Variants in SREBF1 observed in about 807,000 individuals in gnomAD.
SREBF1 encodes sterol regulatory element binding transcription factor 1.
In SREBF1, 45 loss-of-function variants were observed where a neutral mutation model predicts 100.1. That is an observed-to-expected ratio of 0.45 (90% CI 0.35 to 0.58). SREBF1 has a LOEUF of 0.58. SREBF1 is among the 20% of genes least tolerant of loss of function. SREBF1 has a pLI of 0.00. For synonymous variants in SREBF1, 657 were observed against 681.8 expected (o/e 0.96, Z 0.57); for missense variants, 1,324 against 1,539.4 (o/e 0.86, Z 2.34).
At chr17:17,813,252 C>CG in intron 18 of SREBF1, 116 bp downstream of exon 18, 1 of 1,121,910 alleles carries the variant, frequency 8.9e-7, no homozygotes, top group South Asian at 1.3e-5. Flanking sequence ...TGAGCCACTG[C>CG]GCCAGGCCTG....
rs773176450 is a variant in SREBF1, at chr17:17,817,852, G to A, written c.1248C>T (p.Gly416=). The change falls in exon 7 of 19, where the codon GGC becomes GGT. Residue 416 remains glycine (G), a synonymous_variant. Coordinates refer to ENST00000261646, the MANE Select transcript of SREBF1 (RefSeq NM_004176.5). This position sits in a 1 kb window ranked among gnomAD's most constrained non-coding sequence, Gnocchi z 6.6. ...GTGTGTCCTCCACCTCAGTCTTCAC[G>A]CCCTCCATGAGCACGTCTGTGTTCC... The part of the protein sequence containing the change: ...SGGNTDVLME[G]VKTEVEDTLT... 5.6e-6 allele frequency: 9 copies of A among 1,607,746 alleles called. No individual in the cohort carries two copies. The highest frequency in any genetic ancestry group is 2.2e-5 in the South Asian group (2 of 91,086).
intron 1 of SREBF1, chr17:17,823,734 G>A (rs1311463316): frequency 5.6e-6 from 2 of 358,296 alleles, no homozygotes; most frequent in South Asian, 1.1e-4. Flanking sequence ...GCCCTTCGGG[G>A]CTGCGGGCCG....
In SREBF1 at chr17:17,814,385, G is replaced by A. The variant is rs771791469; in HGVS notation, c.2761C>T (p.His921Tyr). Residue 921 changes from histidine (H) to tyrosine (Y), a missense_variant, in exon 16 of 19, where the codon CAC becomes TAC. Transcript: ENST00000261646. The part of the protein sequence containing the change: ...SERPLPRAAL[H>Y]SFKAARALLG... ...AGGGCCCGGGCAGCCTTGAAGGAGT[G>A]CAGAGCTGCCCTGGGCAGGGGTCTC... 1.9e-6 allele frequency: 3 copies of A among 1,562,240 alleles called. No individual in the cohort carries two copies. The highest frequency in any genetic ancestry group is 1.7e-6 in the Non-Finnish European group (2 of 1,153,222).
rs377235385 is a variant in SREBF1, at chr17:17,812,598, G to C, written c.*24C>G. On this transcript the variant is annotated 3_prime_UTR_variant, in exon 19 of 19. Transcript: ENST00000261646. ...GGGACCAAAGTGGCTAGAGACAGGG[G>C]TGCTGAGGCCGGGGACACGGGGTCT... is the stretch of plus-strand genomic sequence containing the variant. 3.0e-5 allele frequency: 48 copies of C among 1,576,090 alleles called. No homozygotes were observed. Among genetic ancestry groups the C allele is most frequent in the Admixed American group, 8.9e-5 (5 of 55,962 alleles).
rs749283714 is a variant in SREBF1 at position 17,814,633 on chromosome 17, C to T, written c.2717G>A (p.Arg906Gln). The change falls in exon 15 of 19, where the codon CGG becomes CAG. Residue 906 changes from arginine (R) to glutamine (Q), a missense_variant. Coordinates refer to ENST00000261646, the MANE Select transcript of SREBF1 (RefSeq NM_004176.5). ...RLCPLVEHLP[R>Q]VLQESERPLP... is the part of the protein sequence containing the mutation. The stretch of plus-strand genomic sequence containing the variant: ...CACTCACTCAGACTCCTGCAGCACC[C>T]GGGGCAGGTGCTCCACCAGCGGGCA... 5.6e-5 allele frequency: 87 copies of T among 1,545,952 alleles called. No individual in the cohort carries two copies. Among genetic ancestry groups the T allele is most frequent in the Non-Finnish European group, 7.0e-5 (81 of 1,150,358 alleles).
intron 4 of SREBF1, 25 bp from the exon 5 acceptor site, chr17:17,819,259 A>G: frequency 6.2e-7 from 1 of 1,613,718 alleles, no homozygotes; most frequent in South Asian, 1.1e-5. Context: ...ACATGTTACC[A>G]GGTGGGCATG....
rs1018348046 is a variant in SREBF1, at chr17:17,824,383, G to A, written c.92-3862C>T. On this transcript the variant is annotated intron_variant, in intron 1 of 18. Coordinates refer to ENST00000261646, the MANE Select transcript of SREBF1 (RefSeq NM_004176.5). This position sits in a 1 kb window ranked among gnomAD's most constrained non-coding sequence, Gnocchi z 4.2. ...GCACCGATGTCCCTCTGCCAGATGG[G>A]TGAAGTCTGCCCCTCCCCCTCAAGG... Among the ~76,000 whole-genome samples, 8 of 152,140 alleles carry A rather than the reference G, an allele frequency of 5.3e-5. No individual in the cohort carries two copies. The highest frequency in any genetic ancestry group is 8.8e-5 in the Non-Finnish European group (6 of 68,020).
rs958426625 is a variant in SREBF1, at chr17:17,812,438, G to GTCT, written c.*181_*183dup. On this transcript the variant is annotated 3_prime_UTR_variant, in exon 19 of 19. Coordinates refer to ENST00000261646, the MANE Select transcript of SREBF1 (RefSeq NM_004176.5). ...GAGGTCAGCACCATCATGGCCGCCGGTCTTAGGGTCAAGATCGCGCCCCTC... is the reference window on the plus strand; with the variant it reads ...GAGGTCAGCACCATCATGGCCGCCGGTCTTCTTAGGGTCAAGATCGCGCCCCTC... 2 of 674,134 alleles carry GTCT rather than the reference G, an allele frequency of 3.0e-6. No individual in the cohort carries two copies. The highest frequency in any genetic ancestry group is 5.0e-6 in the Non-Finnish European group (2 of 401,088). 41.8% of individuals were successfully genotyped at this position (674,134 alleles called of 1,614,324 possible). A position where few individuals can be genotyped will look rare whatever the true frequency, so the allele number is the denominator to read the frequency against.
chr17:17,829,205 A>AAAAAAAAAAAAAT (rs1210718799), intron 1 of SREBF1, among the ~76,000 whole-genome samples: 8 of 65,844 alleles, frequency 1.2e-4, no homozygotes, highest in African/African-American at 7.0e-4. Flanking sequence ...AAAAAAAAAA[A>AAAAAAAAAAAAAT]ATATATATAT....
At position 17,814,915 on chromosome 17, in the gene SREBF1, T is replaced by C. The variant is rs1453214762; in HGVS notation, c.2522A>G (p.Gln841Arg). 1 of 1,576,334 alleles carries C rather than the reference T, an allele frequency of 6.3e-7. No homozygotes were observed. The highest frequency in any genetic ancestry group is 2.3e-5 in the East Asian group (1 of 43,434). The change falls in exon 14 of 19, where the codon CAG (glutamine) becomes CGG (arginine). Residue 841 changes from glutamine to arginine, a missense_variant. Physicochemically the swap from Gln to Arg is conservative, Grantham distance 43 (BLOSUM62 1). Transcript: ENST00000261646. The part of the protein sequence containing the change: ...KEFSDALGYL[Q>R]LLNSCSDAAG... Reference sequence around the variant, plus strand: ...AGCATCAGAACAGCTGTTCAGCAGCTGCAGGTACCCGAGGGCATCCGAGAA... The same window carrying C: ...AGCATCAGAACAGCTGTTCAGCAGCCGCAGGTACCCGAGGGCATCCGAGAA...
At position 17,816,233 on chromosome 17, in the gene SREBF1, G is replaced by A. The variant is rs1294880004; in HGVS notation, c.2188C>T (p.Leu730Phe). 9.7e-7 allele frequency: 1 copy of A among 1,034,896 alleles called. No individual in the cohort carries two copies. The highest frequency in any genetic ancestry group is 1.2e-6 in the Non-Finnish European group (1 of 848,344). The allele number at this position is 1,034,896 out of a possible 1,614,324, so 64.1% of individuals were successfully genotyped here. A position where few individuals can be genotyped will look rare whatever the true frequency, so the allele number is the denominator to read the frequency against. The change falls in exon 11 of 19, where the codon CTC (leucine) becomes TTC (phenylalanine). Residue 730 changes from leucine (L) to phenylalanine (F), a missense_variant. Physicochemically the swap from Leu to Phe is conservative, Grantham distance 22. Coordinates refer to ENST00000261646, the MANE Select transcript of SREBF1 (RefSeq NM_004176.5). ...GTCAGAAAATGCAAGGCCCGTGGGA[G>A]ACTGGTCTTCACTCTCAATGCAGCC... ...VAAALRVKTS[L>F]PRALHFLTRF...
At chr17:17,819,870 G>T in intron 2 of SREBF1, 145 bp from the exon 3 acceptor site, 2 of 1,264,172 alleles carry the variant, frequency 1.6e-6, no homozygotes, top group Non-Finnish European at 2.1e-6. Context: ...GGGCTCTGAT[G>T]CAAATGCACT....
intron 1 of SREBF1, among the ~76,000 whole-genome samples, chr17:17,826,787 T>G (rs1296307397): frequency 1.3e-5 from 2 of 152,200 alleles, no homozygotes; most frequent in Non-Finnish European, 2.9e-5. Context: ...GGCCGATGTA[T>G]TCTGTGAGGC....
chr17:17,821,357 T>C (rs1033957595), intron 1 of SREBF1, among the ~76,000 whole-genome samples: 3 of 152,090 alleles, frequency 2.0e-5, no homozygotes, highest in Non-Finnish European at 4.4e-5. Flanking sequence ...TTTCTCAATG[T>C]GTGAAACGGG....
Position 17,815,225 on chromosome 17 carries a change from C to G in SREBF1, c.2488G>C (p.Asp830His). Reference sequence around the variant, plus strand: ...GGAGGGCACAACGACACTTACTTGTCCCCATCAGCTGACCCAGGGCTGGGG... The same window carrying G: ...GGAGGGCACAACGACACTTACTTGTGCCCATCAGCTGACCCAGGGCTGGGG... ...PNPSPGSADG[D>H]KEFSDALGYL... The change falls in exon 13 of 19, where the codon GAC (aspartate) becomes CAC (histidine). Residue 830 changes from aspartate (D) to histidine (H), a missense_variant. Asp to His is a moderately conservative substitution (Grantham distance 81). Transcript: ENST00000261646. 1 of 1,613,134 alleles carries G rather than the reference C, an allele frequency of 6.2e-7. No homozygotes were observed. The highest frequency in any genetic ancestry group is 1.1e-5 in the South Asian group (1 of 91,070).
chr17:17,836,844 C>A lies in SREBF1; in HGVS notation c.-27G>T. ...GCGCAGCCGCCTCCTCCGGGAGGCCCGCCGGGCCCGCCGCCTCGTACGGCC... is the reference window on the plus strand; with the variant it reads ...GCGCAGCCGCCTCCTCCGGGAGGCCAGCCGGGCCCGCCGCCTCGTACGGCC... On this transcript the variant is annotated 5_prime_UTR_variant, in exon 1 of 19. Coordinates refer to ENST00000261646, the MANE Select transcript of SREBF1 (RefSeq NM_004176.5). The A allele has an allele frequency of 6.8e-7, 1 of 1,477,460 alleles. No individual in the cohort carries two copies. The highest frequency in any genetic ancestry group is 2.6e-5 in the East Asian group (1 of 38,262). The allele number at this position is 1,477,460 out of a possible 1,614,324, so 91.5% of individuals were successfully genotyped here. A position where few individuals can be genotyped will look rare whatever the true frequency, so the allele number is the denominator to read the frequency against.
At chr17:17,828,821 G>A (rs973232411) in intron 1 of SREBF1, among the ~76,000 whole-genome samples, 37 of 152,132 alleles carry the variant, frequency 2.4e-4, no homozygotes, top group African/African-American at 8.7e-4. Flanking sequence ...GGCTGAGGTG[G>A]GAGGATCCCT....
At chr17:17,816,866 T>C in intron 9 of SREBF1, 92 bp downstream of exon 9, 2 of 1,596,414 alleles carry the variant, frequency 1.3e-6, no homozygotes, top group South Asian at 1.1e-5. Context: ...AGATTCATGG[T>C]GTGCACAGGG....
intron 1 of SREBF1, among the ~76,000 whole-genome samples, chr17:17,834,877 G>A (rs1309578899): frequency 6.6e-6 from 1 of 152,206 alleles, no homozygotes; most frequent in Non-Finnish European, 1.5e-5. Context: ...AGCCAGGCGT[G>A]GTGGCTGGCG....
Sources: allele counts gnomAD v4.1 joint callset (sites outside exome capture counted in the v4.1 genomes callset), GRCh38; gene constraint gnomAD v4.1.1; non-coding constraint Gnocchi (gnomAD v3.1); transcripts MANE v1.5; gene names NCBI Gene and HGNC (gene_info 2026-07-23, HGNC 2026-07-21).